NFATC1: variants seen among roughly 807,000 people sequenced by gnomAD.
NFATC1 encodes the protein nuclear factor of activated T cells 1.
NFATC1 carries 22 observed loss-of-function variants against 76.0 expected under a neutral mutation model. The observed-to-expected ratio is 0.29, with a 90% confidence interval of 0.21 to 0.41. The LOEUF (loss-of-function observed/expected upper bound fraction) is 0.41, where lower values mean the gene tolerates loss of function less well. Among genes scored for constraint, NFATC1 ranks in the 10% least tolerant of loss-of-function variants. The probability of loss-of-function intolerance (pLI) is 1.00; values close to 1 mark genes in which losing one functional copy is unlikely to be tolerated. For missense variants in NFATC1, 1,357 were observed against 1,337.7 expected (o/e 1.01, Z -0.23); for synonymous variants, 704 against 613.1 (o/e 1.15, Z -2.19).
At chr18:79,419,109 G>A (rs543467381) in intron 2 of NFATC1, among the ~76,000 whole-genome samples, 3 of 152,112 alleles carry the variant, frequency 2.0e-5, no homozygotes, top group South Asian at 2.1e-4. Flanking sequence ...CTGCAGCCTC[G>A]ACCTCCTGGG....
chr18:79,465,465 T>C lies in NFATC1; in HGVS notation c.1960-1985T>C, dbSNP rs1374415422. Among the ~76,000 whole-genome samples the C allele has an allele frequency of 6.7e-6, 1 of 149,788 alleles. No homozygotes were observed. Among genetic ancestry groups the C allele is most frequent in the Non-Finnish European group, 1.5e-5 (1 of 67,440 alleles). The stretch of plus-strand genomic sequence containing the variant: ...AGGTCCCGCCTCCGCCCAGCCAGCC[T>C]GGCCCACGGAATCTCCGCCTCTGCC... On this transcript the variant is annotated intron_variant, in intron 7 of 9. Coordinates refer to ENST00000427363, the MANE Select transcript of NFATC1 (RefSeq NM_001278669.2). The surrounding 1 kb of genome is among the most constrained non-coding windows in gnomAD (Gnocchi z 4.2).
chr18:79,467,862 GA>G (rs1266718071), intron 8 of NFATC1: 8 of 1,194,990 alleles, frequency 6.7e-6, no homozygotes, highest in Non-Finnish European at 4.2e-6. Context: ...CAGCCAAGGG[GA>G]AAACATGGCT....
chr18:79,451,737 C>T lies in NFATC1; in HGVS notation c.1824C>T (p.Val608=), dbSNP rs1043004514. 9.9e-6 allele frequency: 16 copies of T among 1,612,924 alleles called. No homozygotes were observed. The highest frequency in any genetic ancestry group is 2.2e-5 in the South Asian group (2 of 90,772). The change falls in exon 6 of 10, where the codon GTC becomes GTT. Residue 608 remains valine, a synonymous_variant. Coordinates refer to ENST00000427363, the MANE Select transcript of NFATC1 (RefSeq NM_001278669.2). ...AGCAGAGCACGGACAGCTATCCGGT[C>T]GTGGGCGGGAAGAAGATGGTCCTGT... ...VEKQSTDSYP[V]VGGKKMVLSG... is the part of the protein sequence containing the mutation.
chr18:79,480,372 C>T (rs1228146770), intron 8 of NFATC1, among the ~76,000 whole-genome samples: 3 of 152,076 alleles, frequency 2.0e-5, no homozygotes, highest in East Asian at 1.9e-4. Context: ...CCCAGCGAAG[C>T]GTCCACTGGG....
At chr18:79,404,148 G>A (rs1206606415) in intron 1 of NFATC1, among the ~76,000 whole-genome samples, 1 of 152,248 alleles carries the variant, frequency 6.6e-6, no homozygotes, top group Non-Finnish European at 1.5e-5. Flanking sequence ...GCTTTAAAAT[G>A]ATGTGTGCGT....
chr18:79,484,572 C>T (rs970839053), intron 8 of NFATC1, among the ~76,000 whole-genome samples: 2 of 152,188 alleles, frequency 1.3e-5, no homozygotes, highest in African/African-American at 4.8e-5. Context: ...AAACCTCGAT[C>T]TTTCTACTCA....
At chr18:79,506,744 T>C (rs2090128442) in intron 9 of NFATC1, among the ~76,000 whole-genome samples, 1 of 152,160 alleles carries the variant, frequency 6.6e-6, no homozygotes, top group Non-Finnish European at 1.5e-5. Flanking sequence ...GAAATCTCTT[T>C]AGAAACACAG....
intron 8 of NFATC1, among the ~76,000 whole-genome samples, chr18:79,484,086 C>T (rs1226752876): frequency 5.9e-5 from 9 of 151,268 alleles, no homozygotes; most frequent in Admixed American, 5.3e-4. Flanking sequence ...AGTGTGACCT[C>T]GGCGGCACTT....
intron 3 of NFATC1, among the ~76,000 whole-genome samples, chr18:79,435,248 A>AG (rs1183331710): frequency 6.6e-6 from 1 of 151,206 alleles, no homozygotes; most frequent in East Asian, 1.9e-4. Context: ...TATCTGGATG[A>AG]GGGGCGGGTG....
intron 1 of NFATC1, among the ~76,000 whole-genome samples, chr18:79,408,878 C>T (rs112452058): frequency 2.0e-5 from 3 of 151,386 alleles, no homozygotes; most frequent in Admixed American, 2.0e-4. Flanking sequence ...TTCCTCCATT[C>T]CCTATCCATC....
chr18:79,400,532 G>A, intron 1 of NFATC1: 2 of 1,331,826 alleles, frequency 1.5e-6, no homozygotes, highest in East Asian at 3.2e-5. Flanking sequence ...GGGGTTTGGG[G>A]GCGCCCAGGC....
intron 1 of NFATC1, among the ~76,000 whole-genome samples, chr18:79,402,547 C>T (rs189755047): frequency 1.3e-5 from 2 of 152,216 alleles, no homozygotes; most frequent in African/African-American, 4.8e-5. Flanking sequence ...GCTCTCCAGG[C>T]GGCTTGTGAA....
intron 4 of NFATC1, 78 bp from the exon 5 acceptor site, chr18:79,450,876 A>G (rs765467162): frequency 3.5e-5 from 53 of 1,530,084 alleles, no homozygotes; most frequent in Non-Finnish European, 4.5e-5. Flanking sequence ...GATGAGGGCC[A>G]GAGGGTCTGG....
In NFATC1 at chr18:79,400,356, A is replaced by G. The variant is rs1436132879; in HGVS notation, c.127+4005A>G. On this transcript the variant is annotated intron_variant, in intron 1 of 9. Coordinates refer to ENST00000427363, the MANE Select transcript of NFATC1 (RefSeq NM_001278669.2). ...GAGAACCGAACCCCTGGCGGCCGCG[A>G]CCCCGGCTCCCGCCCCGGCCCCGGC... 7 of 1,345,272 alleles carry G rather than the reference A, an allele frequency of 5.2e-6. No homozygotes were observed. In the African/African-American group the frequency reaches 8.7e-5, roughly 17 times the overall value. 83.3% of individuals were successfully genotyped at this position (1,345,272 alleles called of 1,614,324 possible).
chr18:79,466,704 G>T (rs1304196164), intron 7 of NFATC1, among the ~76,000 whole-genome samples: 1 of 152,218 alleles, frequency 6.6e-6, no homozygotes, highest in African/African-American at 2.4e-5. Flanking sequence ...GGTCTGCGGG[G>T]GTCAGGGCCT....
chr18:79,426,672 C>G (rs1294898969), intron 2 of NFATC1, among the ~76,000 whole-genome samples: 1 of 152,252 alleles, frequency 6.6e-6, no homozygotes, highest in Non-Finnish European at 1.5e-5. Context: ...GCCCGGACCC[C>G]CCTGTGACTC....
At chr18:79,494,865 AGGCG>A (rs1285243974) in intron 9 of NFATC1, among the ~76,000 whole-genome samples, 19 of 131,260 alleles carry the variant, frequency 1.4e-4, no homozygotes, top group Non-Finnish European at 1.3e-4. Flanking sequence ...GGCCGGGGGA[AGGCG>A]AGAGCGGGCA....
At position 79,486,238 on chromosome 18, in the gene NFATC1, C is replaced by CT. The variant is rs1569021120; in HGVS notation, c.2093-8dup. On this transcript the variant is annotated splice_polypyrimidine_tract_variant and intron_variant, in intron 8 of 9. Coordinates refer to ENST00000427363, the MANE Select transcript of NFATC1 (RefSeq NM_001278669.2). ...TTGTGTTTATTTAATTTTTTTTTTC[C>CT]TTCTCACAGTTCCAATTATAAAAAC... 16 of 1,580,404 alleles carry CT rather than the reference C, an allele frequency of 1.0e-5. No individual in the cohort carries two copies. The highest frequency in any genetic ancestry group is 1.2e-5 in the Non-Finnish European group (14 of 1,162,004).
At chr18:79,450,552 C>T (rs1206446125) in intron 4 of NFATC1, among the ~76,000 whole-genome samples, 1 of 152,128 alleles carries the variant, frequency 6.6e-6, no homozygotes, top group African/African-American at 2.4e-5. Context: ...CTCCCCTGGG[C>T]CGCTCTCTGC....
Sources: allele counts gnomAD v4.1 joint callset (sites outside exome capture counted in the v4.1 genomes callset), GRCh38; gene constraint gnomAD v4.1.1; non-coding constraint Gnocchi (gnomAD v3.1); transcripts MANE v1.5; gene names NCBI Gene and HGNC (gene_info 2026-07-23, HGNC 2026-07-21).